Variants in TRAPPC9 observed in about 807,000 individuals in gnomAD.
TRAPPC9 encodes IKK2 binding protein.
In TRAPPC9, 83 loss-of-function variants were observed where a neutral mutation model predicts 124.0. The observed-to-expected ratio is 0.67, with a 90% CI of 0.56 to 0.80. TRAPPC9 has a LOEUF of 0.80. TRAPPC9 is among the 30% of genes least tolerant of loss of function. The pLI, the probability that TRAPPC9 is intolerant of heterozygous loss-of-function variation, is 0.00. For synonymous variants in TRAPPC9, 638 were observed against 617.5 expected (o/e 1.03, Z -0.49); for missense variants, 1,302 against 1,508.3 (o/e 0.86, Z 2.27).
At chr8:140,049,902 C>T (rs780036213) in intron 17 of TRAPPC9, among the ~76,000 whole-genome samples, 2 of 152,194 alleles carry the variant, frequency 1.3e-5, no homozygotes, top group African/African-American at 2.4e-5. Flanking sequence ...CCTTCAATTC[C>T]ACCACAACTC....
chr8:140,005,655 G>C (rs1838700847), intron 18 of TRAPPC9, among the ~76,000 whole-genome samples: 1 of 152,070 alleles, frequency 6.6e-6, no homozygotes, highest in Admixed American at 6.5e-5. Context: ...AAGGGAGAAG[G>C]GCTGGGTCAG....
rs542086939 is a variant in TRAPPC9, at chr8:139,825,744, G to A, written c.3055+60135C>T. ...ATACCGCCGAGCAGCCAGCTTGCCC[G>A]GAAGGAAAAAGGGAGGCAATTCCGA... On this transcript the variant is annotated intron_variant, in intron 21 of 22. Transcript: ENST00000438773. The surrounding 1 kb of genome is among the most constrained non-coding windows in gnomAD (Gnocchi z 4.6). Among the ~76,000 whole-genome samples the A allele has an allele frequency of 2.6e-4, 39 of 152,142 alleles. No individual in the cohort carries two copies. The South Asian group carries it at 5.0e-3, about 19-fold the overall frequency.
chr8:140,371,003 C>T lies in TRAPPC9; in HGVS notation c.1312G>A (p.Gly438Ser), dbSNP rs774322711. The T allele has an allele frequency of 1.9e-6, 3 of 1,614,240 alleles. No individual in the cohort carries two copies. Among genetic ancestry groups the T allele is most frequent in the Admixed American group, 1.7e-5 (1 of 60,028 alleles). Residue 438 changes from glycine (G) to serine (S), a missense_variant, in exon 8 of 23, where the codon GGC becomes AGC. Coordinates refer to ENST00000438773, the MANE Select transcript of TRAPPC9 (RefSeq NM_001160372.4). ...CYKLLLETLP[G>S]YSLSLDPKDF... The stretch of plus-strand genomic sequence containing the variant: ...TTGGGATCCAGCGACAGACTGTAGC[C>T]GGGCAGCGTTTCCAGGAGGAGTTTG...
At chr8:139,863,747 G>A (rs929612853) in intron 21 of TRAPPC9, among the ~76,000 whole-genome samples, 4 of 152,208 alleles carry the variant, frequency 2.6e-5, no homozygotes, top group Non-Finnish European at 5.9e-5. Flanking sequence ...GGACAACCCC[G>A]AACATCACCC....
At chr8:140,440,380 G>T (rs183256837) in intron 2 of TRAPPC9, among the ~76,000 whole-genome samples, 254 of 152,084 alleles carry the variant, frequency 1.7e-3, no homozygotes, top group African/African-American at 5.9e-3. Flanking sequence ...GGTGGCACGC[G>T]CCTGTAGTCC....
chr8:140,078,829 C>G (rs1029855975), intron 17 of TRAPPC9, among the ~76,000 whole-genome samples: 2 of 152,132 alleles, frequency 1.3e-5, no homozygotes, highest in African/African-American at 4.8e-5. Flanking sequence ...CAACAGGGGG[C>G]CTACCCAGCA....
intron 17 of TRAPPC9, among the ~76,000 whole-genome samples, chr8:140,054,457 T>TA (rs1460740994): frequency 6.6e-6 from 1 of 151,644 alleles, no homozygotes; most frequent in Admixed American, 6.6e-5. Flanking sequence ...ACACCTGTAA[T>TA]AAAAAAGAAA....
At position 139,900,070 on chromosome 8, in the gene TRAPPC9, C is replaced by T. The variant is rs1182472633; in HGVS notation, c.2964+10077G>A. Among the ~76,000 whole-genome samples, 3 of 152,184 alleles carry T rather than the reference C, an allele frequency of 2.0e-5. No homozygotes were observed. The East Asian group carries it at 5.8e-4, about 29-fold the overall frequency. On this transcript the variant is annotated intron_variant, in intron 20 of 22. Transcript: ENST00000438773. ...TCACGGTGAAGGTGATCCCGTCACT[C>T]GCTGGGTCAAAACCCTTCAGGGCGA...
chr8:140,340,302 T>A (rs2067158655), intron 9 of TRAPPC9, among the ~76,000 whole-genome samples: 1 of 152,248 alleles, frequency 6.6e-6, no homozygotes, highest in South Asian at 2.1e-4. Flanking sequence ...TTGGTAACTT[T>A]AGCTCGTTAC....
intron 9 of TRAPPC9, among the ~76,000 whole-genome samples, chr8:140,335,920 C>A (rs1431164176): frequency 2.0e-5 from 3 of 152,144 alleles, no homozygotes; most frequent in South Asian, 4.2e-4. Flanking sequence ...GTTGACCAGG[C>A]TGGTCTCAAA....
At chr8:139,777,914 T>C (rs1250873399) in intron 21 of TRAPPC9, among the ~76,000 whole-genome samples, 2 of 151,630 alleles carry the variant, frequency 1.3e-5, no homozygotes, top group Non-Finnish European at 2.9e-5. Flanking sequence ...ACTGAGAGTC[T>C]AGGAAGGTGA....
intron 21 of TRAPPC9, among the ~76,000 whole-genome samples, chr8:139,737,349 G>A (rs557834916): frequency 2.0e-4 from 31 of 152,240 alleles, no homozygotes; most frequent in Non-Finnish European, 3.1e-4. Context: ...CAGCAGCCCG[G>A]CCGGCTGGTC....
At chr8:140,140,895 A>G (rs1351377982) in intron 17 of TRAPPC9, among the ~76,000 whole-genome samples, 2 of 152,186 alleles carry the variant, frequency 1.3e-5, no homozygotes, top group Non-Finnish European at 1.5e-5. Context: ...TTTTCCCCTC[A>G]GCCAGTCACT....
chr8:140,286,312 C>T (rs896562923), intron 13 of TRAPPC9, among the ~76,000 whole-genome samples: 2 of 152,200 alleles, frequency 1.3e-5, no homozygotes, highest in African/African-American at 4.8e-5. Flanking sequence ...CAGAGCAACA[C>T]TTAAGGACTG....
At chr8:140,034,740 G>A (rs566993261) in intron 17 of TRAPPC9, among the ~76,000 whole-genome samples, 1 of 152,358 alleles carries the variant, frequency 6.6e-6, no homozygotes, top group African/African-American at 2.4e-5. Context: ...CCACAATGCA[G>A]CACAGGTATC....
intron 5 of TRAPPC9, among the ~76,000 whole-genome samples, chr8:140,410,414 T>C (rs185696521): frequency 4.9e-4 from 75 of 151,918 alleles, no homozygotes; most frequent in Middle Eastern, 3.5e-3. Context: ...CATGCGCCTG[T>C]AGTCCCAACT....
chr8:139,840,147 C>G (rs947135082), intron 21 of TRAPPC9, among the ~76,000 whole-genome samples: 4 of 152,210 alleles, frequency 2.6e-5, no homozygotes, highest in African/African-American at 9.6e-5. Flanking sequence ...GTGAACCACA[C>G]AAAGCAGACC....
intron 19 of TRAPPC9, among the ~76,000 whole-genome samples, chr8:139,918,003 G>A (rs1408197604): frequency 6.6e-6 from 1 of 152,236 alleles, no homozygotes; most frequent in Admixed American, 6.5e-5. Flanking sequence ...CAGGCAGTCT[G>A]TGGTCCTGTT....
At chr8:140,085,338 TAAA>T (rs11423500) in intron 17 of TRAPPC9, among the ~76,000 whole-genome samples, 12 of 143,286 alleles carry the variant, frequency 8.4e-5, no homozygotes, top group African/African-American at 2.1e-4. Context: ...TCTTACTGTT[TAAA>T]AAAAAAAAAA....
Sources: gnomAD v4.1 joint callset for allele counts (sites outside exome capture counted in the v4.1 genomes callset) on GRCh38, gnomAD v4.1.1 for gene constraint, Gnocchi (gnomAD v3.1) non-coding constraint, MANE v1.5 for transcripts, NCBI Gene and HGNC (gene_info 2026-07-23, HGNC 2026-07-21) for gene names.